Variants in HMGCLL1 observed in about 807,000 individuals in gnomAD.
HMGCLL1 encodes the protein 3-hydroxymethyl-3-methylglutaryl-CoA lyase, cytoplasmic.
Under a neutral mutation model 39.1 loss-of-function variants are expected in HMGCLL1, and 36 were observed. The observed-to-expected ratio is 0.92, with a 90% CI of 0.71 to 1.22. The LOEUF (loss-of-function observed/expected upper bound fraction) is 1.22. HMGCLL1 is among the 50% of genes most tolerant of loss of function. The pLI, the probability that HMGCLL1 is intolerant of heterozygous loss-of-function variation, is 0.00. For missense variants in HMGCLL1, 451 were observed against 416.5 expected (o/e 1.08, Z -0.72); for synonymous variants, 149 against 144.0 (o/e 1.03, Z -0.25).
At chr6:55,545,038 T>C (rs1769882549) in intron 1 of HMGCLL1, among the ~76,000 whole-genome samples, 1 of 152,100 alleles carries the variant, frequency 6.6e-6, no homozygotes, top group Admixed American at 6.6e-5. Context: ...CTCACTCTTC[T>C]TTCTTATTAC....
chr6:55,453,363 T>C (rs1302898445), intron 7 of HMGCLL1, among the ~76,000 whole-genome samples: 1 of 152,116 alleles, frequency 6.6e-6, no homozygotes, highest in East Asian at 1.9e-4. Context: ...GTATTTTTAG[T>C]AGAGACGGGG....
the HMGCLL1 span, among the ~76,000 whole-genome samples, chr6:55,660,616 A>G: frequency 1.3e-5 from 2 of 151,824 alleles, no homozygotes; most frequent in African/African-American, 4.8e-5. Flanking sequence ...TCAATCTTTC[A>G]TTGATGGACA....
intron 5 of HMGCLL1, among the ~76,000 whole-genome samples, chr6:55,499,848 G>A (rs1241753132): frequency 6.6e-6 from 1 of 151,894 alleles, no homozygotes; most frequent in Non-Finnish European, 1.5e-5. Flanking sequence ...ATTCCAAACA[G>A]AAGAGTGTCT....
chr6:55,594,464 A>G, the HMGCLL1 span, among the ~76,000 whole-genome samples: 12 of 152,152 alleles, frequency 7.9e-5, no homozygotes, highest in Non-Finnish European at 1.5e-4. Context: ...TTGTACTTCC[A>G]GCTTCTGCCA....
chr6:55,599,394 C>T, the HMGCLL1 span, among the ~76,000 whole-genome samples: 1 of 151,736 alleles, frequency 6.6e-6, no homozygotes, highest in Non-Finnish European at 1.5e-5. Flanking sequence ...GCAACTAGTA[C>T]CAAAGTGATA....
intron 7 of HMGCLL1, among the ~76,000 whole-genome samples, chr6:55,456,865 C>A (rs574398478): frequency 6.6e-6 from 1 of 152,230 alleles, no homozygotes; most frequent in Admixed American, 6.5e-5. Context: ...GGAGTGCCTC[C>A]TTAACAGTGA....
At chr6:55,641,236 G>C in the HMGCLL1 span, among the ~76,000 whole-genome samples, 1 of 151,396 alleles carries the variant, frequency 6.6e-6, no homozygotes, top group Non-Finnish European at 1.5e-5. Flanking sequence ...CAAATAATAA[G>C]GAAAAAGAAT....
rs1766040952 is a variant in HMGCLL1 at position 55,486,504 on chromosome 6, T to C, written c.795+8915A>G. Among the ~76,000 whole-genome samples, 6 of 152,108 alleles carry C rather than the reference T, an allele frequency of 3.9e-5. No individual in the cohort carries two copies. The South Asian group carries it at 1.2e-3, about 32-fold the overall frequency. On this transcript the variant is annotated intron_variant, in intron 7 of 8. Coordinates refer to ENST00000274901, the MANE Select transcript of HMGCLL1 (RefSeq NM_001042406.2). ...CTCATTAAATATGGATTATTATCAT[T>C]AGCAAATAGGTCTCTGCATCTGTTC...
chr6:55,486,902 T>A (rs1415251765), intron 7 of HMGCLL1, among the ~76,000 whole-genome samples: 2 of 152,226 alleles, frequency 1.3e-5, no homozygotes, highest in South Asian at 2.1e-4. Flanking sequence ...TTTAGCTTTG[T>A]AGATGGTGCT....
intron 3 of HMGCLL1, among the ~76,000 whole-genome samples, chr6:55,529,541 T>C (rs1768521306): frequency 6.6e-6 from 1 of 152,062 alleles, no homozygotes. Context: ...ATGCCATCAC[T>C]GCAAATTTGT....
At chr6:55,595,705 T>C in the HMGCLL1 span, among the ~76,000 whole-genome samples, 1 of 152,132 alleles carries the variant, frequency 6.6e-6, no homozygotes, top group African/African-American at 2.4e-5. Flanking sequence ...AGAAAAAATG[T>C]ACTTGGAATT....
At chr6:55,661,634 G>T in the HMGCLL1 span, among the ~76,000 whole-genome samples, 1 of 151,930 alleles carries the variant, frequency 6.6e-6, no homozygotes. Flanking sequence ...ATAGTTTAAA[G>T]TCATGTAGTG....
chr6:55,490,788 C>T (rs1337500462), intron 7 of HMGCLL1, among the ~76,000 whole-genome samples: 2 of 150,526 alleles, frequency 1.3e-5, no homozygotes, highest in East Asian at 3.9e-4. Context: ...TCCCTAAAGA[C>T]AAAATCTAAT....
rs1763510574 is a variant in HMGCLL1, at chr6:55,439,567, A to C, written c.796-8T>G. On this transcript the variant is annotated splice_polypyrimidine_tract_variant and splice_region_variant and intron_variant, in intron 7 of 8. Transcript: ENST00000274901. ...CACCACATTAATTCCCATCTGGAAA[A>C]CAAACCAAACCACCTAAAGCTTGTG... is the stretch of plus-strand genomic sequence containing the variant. 1 of 1,611,452 alleles carries C rather than the reference A, an allele frequency of 6.2e-7. No individual in the cohort carries two copies. Among genetic ancestry groups the C allele is most frequent in the Non-Finnish European group, 8.5e-7 (1 of 1,178,386 alleles).
chr6:55,450,831 T>C (rs1371657611), intron 7 of HMGCLL1, among the ~76,000 whole-genome samples: 2 of 152,110 alleles, frequency 1.3e-5, no homozygotes, highest in African/African-American at 2.4e-5. Flanking sequence ...AGGAAATAAA[T>C]AGAAAAAACT....
chr6:55,507,228 G>A (rs9475325), intron 5 of HMGCLL1, among the ~76,000 whole-genome samples: 103,618 of 151,348 alleles, frequency 0.68, 35,469 homozygotes, highest in Non-Finnish European at 0.7. Flanking sequence ...ATATCTGTGG[G>A]TTAAACTTTA....
intron 7 of HMGCLL1, among the ~76,000 whole-genome samples, chr6:55,473,839 T>C (rs564734449): frequency 1.3e-5 from 2 of 151,536 alleles, no homozygotes; most frequent in African/African-American, 4.8e-5. Context: ...AAGTCTTTGT[T>C]TCTACTTCAC....
chr6:55,647,238 C>T, the HMGCLL1 span, among the ~76,000 whole-genome samples: 1 of 151,588 alleles, frequency 6.6e-6, no homozygotes, highest in Non-Finnish European at 1.5e-5. Context: ...TTTTGGTTTC[C>T]ATTTGCACAG....
intron 7 of HMGCLL1, among the ~76,000 whole-genome samples, chr6:55,460,618 A>G (rs533603815): frequency 6.6e-6 from 1 of 152,088 alleles, no homozygotes; most frequent in South Asian, 2.1e-4. Flanking sequence ...TGAAGAAAAC[A>G]TAATATCCTA....
Sources: allele counts gnomAD v4.1 joint callset (sites outside exome capture counted in the v4.1 genomes callset), GRCh38; gene constraint gnomAD v4.1.1; transcripts MANE v1.5; gene names NCBI Gene and HGNC (gene_info 2026-07-23, HGNC 2026-07-21).